The following SLC13A5 variants were observed in gnomAD, a reference collection of about 807,000 sequenced individuals.
SLC13A5 encodes solute carrier family 13 member 5.
Under a neutral mutation model 56.5 loss-of-function variants are expected in SLC13A5, and 25 were observed. The ratio of observed to expected loss-of-function variants is 0.44; its 90% confidence interval spans 0.32 to 0.62. The LOEUF (loss-of-function observed/expected upper bound fraction) is 0.62, where lower values mean the gene tolerates loss of function less well. Ranked by LOEUF, SLC13A5 falls within the 20% of genes least tolerant of loss-of-function variation. The pLI, the probability that SLC13A5 is intolerant of heterozygous loss-of-function variation, is 0.04. For missense variants in SLC13A5, 649 were observed against 737.8 expected (o/e 0.88, Z 1.39); for synonymous variants, 307 against 301.5 (o/e 1.02, Z -0.19).
In SLC13A5 at chr17:6,687,517, C is replaced by T. The variant is rs748598074; in HGVS notation, c.1575+12G>A. 6.2e-7 allele frequency: 1 copy of T among 1,613,478 alleles called. No individual in the cohort carries two copies. Among genetic ancestry groups the T allele is most frequent in the Non-Finnish European group, 8.5e-7 (1 of 1,179,818 alleles). ...ATAGTCCGACGGGAGTAAATAAAAA[C>T]AGCTGTGTTACCATGTCAGCAACCT... On this transcript the variant is annotated intron_variant, in intron 11 of 11. Transcript: ENST00000433363. This position sits in a 1 kb window ranked among gnomAD's most constrained non-coding sequence, Gnocchi z 5.0.
At chr17:6,709,927 G>C (rs1037135519) in intron 1 of SLC13A5, among the ~76,000 whole-genome samples, 5 of 152,198 alleles carry the variant, frequency 3.3e-5, no homozygotes, top group South Asian at 2.1e-4. Flanking sequence ...CCTATGAGAT[G>C]CCAGTAAGAC....
At position 6,686,396 on chromosome 17, in the gene SLC13A5, A is replaced by T. The variant is rs554234063; in HGVS notation, c.1576-58T>A. 9.8e-4 allele frequency: 1,584 copies of T among 1,608,122 alleles called. 23 individuals carry two copies. The South Asian group carries it at 0.014, about 14-fold the overall frequency. Reference sequence around the variant, plus strand: ...CTGCTGGGGACTAGTGCTCTCAGAGAGGAGGACAAAGGGTCGGCTCACTGG... The same window carrying T: ...CTGCTGGGGACTAGTGCTCTCAGAGTGGAGGACAAAGGGTCGGCTCACTGG... On this transcript the variant is annotated intron_variant, in intron 11 of 11. Transcript: ENST00000433363.
chr17:6,707,126 T>C lies in SLC13A5; in HGVS notation c.133A>G (p.Met45Val). The change falls in exon 2 of 12, where the codon ATG (methionine) becomes GTG (valine). Residue 45 changes from methionine (M) to valine (V), a missense_variant. Met to Val is a conservative substitution (Grantham distance 21, BLOSUM62 1). Coordinates refer to ENST00000433363, the MANE Select transcript of SLC13A5 (RefSeq NM_177550.5). ...ACTTCTGTGCACCAGTAAATGGCCA[T>C]GAGGATGATGACGTAGGCACACCTG... ...FVRCAYVIILMAIYWCTEVIP... is the reference protein window; with the variant it reads ...FVRCAYVIILVAIYWCTEVIP... 6.2e-7 allele frequency: 1 copy of C among 1,613,840 alleles called. No homozygotes were observed. Among genetic ancestry groups the C allele is most frequent in the African/African-American group, 1.3e-5 (1 of 74,942 alleles).
At chr17:6,706,550 C>T in intron 3 of SLC13A5, 92 bp downstream of exon 3, 4 of 1,518,626 alleles carry the variant, frequency 2.6e-6, no homozygotes, top group Non-Finnish European at 2.7e-6. Flanking sequence ...CAGCCCTCAC[C>T]AGTGGATGGC....
chr17:6,708,037 A>G (rs1973918398), intron 1 of SLC13A5, among the ~76,000 whole-genome samples: 1 of 152,196 alleles, frequency 6.6e-6, no homozygotes, highest in African/African-American at 2.4e-5. Context: ...CAATGGCACA[A>G]TCTCAGCTCA....
chr17:6,685,004 C>G lies in SLC13A5; in HGVS notation c.*1203G>C, dbSNP rs1383268213. The G allele has an allele frequency of 6.6e-6, 1 of 152,178 alleles. No individual in the cohort carries two copies. The highest frequency in any genetic ancestry group is 1.9e-4 in the East Asian group (1 of 5,188). 9.4% of individuals were successfully genotyped at this position (152,178 alleles called of 1,614,324 possible). A position where few individuals can be genotyped will look rare whatever the true frequency, so the allele number is the denominator to read the frequency against. ...GGTTCTGAAGATTCCCACAGCCTCT[C>G]TGGAGTTGTTGCCCCACTTTGGGGT... On this transcript the variant is annotated 3_prime_UTR_variant, in exon 12 of 12. Transcript: ENST00000433363. This position sits in a 1 kb window ranked among gnomAD's most constrained non-coding sequence, Gnocchi z 4.2.
chr17:6,702,669 A>G (rs887675927), intron 5 of SLC13A5, among the ~76,000 whole-genome samples: 3 of 152,202 alleles, frequency 2.0e-5, no homozygotes. Context: ...TCCCTCTCTG[A>G]GCCAGAGTCC....
In SLC13A5 at chr17:6,702,815, G is replaced by A. The variant is rs138454764; in HGVS notation, c.716+155C>T. Among the ~76,000 whole-genome samples the A allele has an allele frequency of 1.1e-4, 16 of 152,324 alleles. No individual in the cohort carries two copies. In the East Asian group the frequency reaches 2.7e-3, roughly 26 times the overall value. ...GGGTGCCAGGACACAGAGGCTAGATGGGGCCACATCTTTCCACCCCTGCCA... is the reference window on the plus strand; with the variant it reads ...GGGTGCCAGGACACAGAGGCTAGATAGGGCCACATCTTTCCACCCCTGCCA... On this transcript the variant is annotated intron_variant, in intron 5 of 11. Transcript: ENST00000433363.
intron 11 of SLC13A5, chr17:6,686,565 G>A (rs925111764): frequency 4.0e-6 from 2 of 505,772 alleles, no homozygotes; most frequent in Admixed American, 3.2e-5. Context: ...CTATGCCCGT[G>A]CGCATTTGGA....
Position 6,711,277 on chromosome 17 carries a change from A to C in SLC13A5, c.102+1955T>G, listed in dbSNP as rs1340104389. 1.3e-5 allele frequency among the ~76,000 whole-genome samples: 2 copies of C among 152,144 alleles called. No individual in the cohort carries two copies. The highest frequency in any genetic ancestry group is 2.4e-5 in the African/African-American group (1 of 41,440). On this transcript the variant is annotated intron_variant, in intron 1 of 11. Coordinates refer to ENST00000433363, the MANE Select transcript of SLC13A5 (RefSeq NM_177550.5). This position sits in a 1 kb window ranked among gnomAD's most constrained non-coding sequence, Gnocchi z 4.0. ...GTGACCAAAACAGGCAGAAAGGGAAAAAACAAGAAGACAAGGTCCAGGGTC... is the reference window on the plus strand; with the variant it reads ...GTGACCAAAACAGGCAGAAAGGGAACAAACAAGAAGACAAGGTCCAGGGTC...
intron 1 of SLC13A5, among the ~76,000 whole-genome samples, chr17:6,708,350 T>G (rs747253623): frequency 5.9e-5 from 9 of 152,188 alleles, no homozygotes; most frequent in Non-Finnish European, 1.0e-4. Flanking sequence ...CCCCAGCCAT[T>G]AGCATATGGA....
chr17:6,711,603 T>C lies in SLC13A5; in HGVS notation c.102+1629A>G, dbSNP rs1293033114. Among the ~76,000 whole-genome samples the C allele has an allele frequency of 6.6e-6, 1 of 150,996 alleles. No individual in the cohort carries two copies. Among genetic ancestry groups the C allele is most frequent in the Non-Finnish European group, 1.5e-5 (1 of 67,704 alleles). ...GTTTGTGTGTTTGGGTGTGTGTTTGTGCGTGTGTTTTTGTGTGTGTTTGTG... is the reference window on the plus strand; with the variant it reads ...GTTTGTGTGTTTGGGTGTGTGTTTGCGCGTGTGTTTTTGTGTGTGTTTGTG... On this transcript the variant is annotated intron_variant, in intron 1 of 11. Coordinates refer to ENST00000433363, the MANE Select transcript of SLC13A5 (RefSeq NM_177550.5). This position sits in a 1 kb window ranked among gnomAD's most constrained non-coding sequence, Gnocchi z 4.0.
At chr17:6,693,254 G>T (rs1597660229) in intron 8 of SLC13A5, 92 bp from the exon 9 acceptor site, 5 of 820,346 alleles carry the variant, frequency 6.1e-6, no homozygotes, top group Admixed American at 3.1e-5. Flanking sequence ...GAAGACAAAA[G>T]AAATCTAATC....
At chr17:6,707,611 T>C (rs1973906125) in intron 1 of SLC13A5, among the ~76,000 whole-genome samples, 1 of 152,064 alleles carries the variant, frequency 6.6e-6, no homozygotes, top group Non-Finnish European at 1.5e-5. Flanking sequence ...AAATACCTGG[T>C]TTTTTTGGTT....
chr17:6,696,062 T>C, intron 6 of SLC13A5, 121 bp from the exon 7 acceptor site: 1 of 843,162 alleles, frequency 1.2e-6, no homozygotes, highest in Non-Finnish European at 1.9e-6. Context: ...TGTCCTCGCC[T>C]GCTATGGGGC....
At chr17:6,704,153 T>G (rs756438249) in intron 3 of SLC13A5, 97 bp from the exon 4 acceptor site, 2 of 1,349,016 alleles carry the variant, frequency 1.5e-6, no homozygotes, top group Non-Finnish European at 2.1e-6. Context: ...CCTGCAGGGA[T>G]GCACAGGTGT....
At chr17:6,708,467 G>A (rs990732828) in intron 1 of SLC13A5, among the ~76,000 whole-genome samples, 5 of 152,176 alleles carry the variant, frequency 3.3e-5, no homozygotes, top group Non-Finnish European at 5.9e-5. Context: ...TTGGTTTTTG[G>A]AAATTGCAAT....
Position 6,687,541 on chromosome 17 carries a change from C to T in SLC13A5, c.1563G>A (p.Lys521=), listed in dbSNP as rs1597653033. ...ACAGCTGTGTTACCATGTCAGCAAC[C>T]TTGAGGTGCCCATAGGTGAACACGA... ...NAIVFTYGHL[K]VADMVKTGVI... is the part of the protein sequence containing the mutation. The change falls in exon 11 of 12, where the codon AAG becomes AAA. Residue 521 remains lysine (K), a synonymous_variant. Coordinates refer to ENST00000433363, the MANE Select transcript of SLC13A5 (RefSeq NM_177550.5). The surrounding 1 kb of genome is among the most constrained non-coding windows in gnomAD (Gnocchi z 5.0). 5 of 1,613,416 alleles carry T rather than the reference C, an allele frequency of 3.1e-6. No individual in the cohort carries two copies. The highest frequency in any genetic ancestry group is 4.2e-6 in the Non-Finnish European group (5 of 1,179,866).
Position 6,692,269 on chromosome 17 carries a change from A to ATGGATGGT in SLC13A5, c.1275+774_1275+775insACCATCCA, listed in dbSNP as rs1555541183. On this transcript the variant is annotated intron_variant, in intron 9 of 11. Transcript: ENST00000433363. This position sits in a 1 kb window ranked among gnomAD's most constrained non-coding sequence, Gnocchi z 5.5. The stretch of plus-strand genomic sequence containing the variant: ...GATGGATGGATGGATGGATGGATGG[A>ATGGATGGT]TGGATGGACGGATGGACGGACGGAT... 5.9e-3 allele frequency among the ~76,000 whole-genome samples: 901 copies of ATGGATGGT among 151,962 alleles called. 12 individuals are homozygous for ATGGATGGT. Among genetic ancestry groups the ATGGATGGT allele is most frequent in the African/African-American group, 0.021 (859 of 41,382 alleles).
Sources: allele counts gnomAD v4.1 joint callset (sites outside exome capture counted in the v4.1 genomes callset), GRCh38; gene constraint gnomAD v4.1.1; non-coding constraint Gnocchi (gnomAD v3.1); transcripts MANE v1.5; gene names NCBI Gene and HGNC (gene_info 2026-07-23, HGNC 2026-07-21).